The following LINGO2 variants were observed in gnomAD, a reference collection of about 807,000 sequenced individuals.
LINGO2 encodes leucine rich repeat and Ig domain containing 2, also known as leucine-rich repeat and immunoglobulin-like domain-containing nogo receptor-interacting protein 2.
A neutral mutation model predicts 30.6 loss-of-function variants in LINGO2; 14 were observed. The observed-to-expected ratio is 0.46, with a 90% CI of 0.30 to 0.72. The LOEUF (loss-of-function observed/expected upper bound fraction) is 0.72, where lower values mean the gene tolerates loss of function less well. Among genes scored for constraint, LINGO2 ranks in the 30% least tolerant of loss-of-function variants. The pLI, the probability that LINGO2 is intolerant of heterozygous loss-of-function variation, is 0.07. For missense variants in LINGO2, 729 were observed against 751.7 expected (o/e 0.97, Z 0.35); for synonymous variants, 317 against 288.5 (o/e 1.10, Z -1.00).
chr9:28,685,809 ATG>A, the LINGO2 span, among the ~76,000 whole-genome samples: 4 of 152,150 alleles, frequency 2.6e-5, no homozygotes, highest in Admixed American at 1.3e-4. Flanking sequence ...GTGTGCAGGT[ATG>A]TGAGTCTAGA....
the LINGO2 span, among the ~76,000 whole-genome samples, chr9:29,144,838 T>A: frequency 6.6e-6 from 1 of 152,150 alleles, no homozygotes; most frequent in East Asian, 1.9e-4. Flanking sequence ...AAATTAAAAA[T>A]TGGGCAGGCA....
At chr9:29,026,965 C>T in the LINGO2 span, among the ~76,000 whole-genome samples, 12 of 152,068 alleles carry the variant, frequency 7.9e-5, no homozygotes, top group Non-Finnish European at 8.8e-5. Flanking sequence ...ATAACAACTA[C>T]AAACAAACAA....
intron 5 of LINGO2, among the ~76,000 whole-genome samples, chr9:27,984,371 G>A (rs983656932): frequency 2.0e-5 from 3 of 151,866 alleles, no homozygotes; most frequent in African/African-American, 7.2e-5. Flanking sequence ...GCAGTGAGCT[G>A]TGTAGCTCAA....
At chr9:28,520,953 T>C (rs1162205382) in intron 1 of LINGO2, among the ~76,000 whole-genome samples, 1 of 152,190 alleles carries the variant, frequency 6.6e-6, no homozygotes, top group Admixed American at 6.5e-5. Flanking sequence ...CCTATATTCC[T>C]GTGCTTTTTG....
At chr9:28,380,710 A>C (rs1224973935) in intron 2 of LINGO2, among the ~76,000 whole-genome samples, 1 of 152,110 alleles carries the variant, frequency 6.6e-6, no homozygotes, top group East Asian at 1.9e-4. Flanking sequence ...TAAAAGAGAT[A>C]GTATAAACAA....
intron 1 of LINGO2, among the ~76,000 whole-genome samples, chr9:28,579,160 A>G (rs1359068927): frequency 6.6e-6 from 1 of 151,966 alleles, no homozygotes; most frequent in East Asian, 1.9e-4. Flanking sequence ...TCAAAGGCTG[A>G]GAATCCATTA....
chr9:29,072,923 G>A, the LINGO2 span, among the ~76,000 whole-genome samples: 1 of 149,608 alleles, frequency 6.7e-6, no homozygotes, highest in East Asian at 2.0e-4. Context: ...GCTCTCTAGC[G>A]CTCTCTCTCT....
At chr9:28,923,779 A>G in the LINGO2 span, among the ~76,000 whole-genome samples, 1 of 152,192 alleles carries the variant, frequency 6.6e-6, no homozygotes, top group Non-Finnish European at 1.5e-5. Context: ...GGTGGAACCA[A>G]AGATGCCCTC....
intron 4 of LINGO2, among the ~76,000 whole-genome samples, chr9:28,022,071 A>C (rs1393342744): frequency 1.3e-5 from 2 of 151,968 alleles, no homozygotes; most frequent in Non-Finnish European, 2.9e-5. Flanking sequence ...GATTTAGTTG[A>C]ATATTTATAT....
At chr9:28,856,119 C>T in the LINGO2 span, among the ~76,000 whole-genome samples, 4 of 151,890 alleles carry the variant, frequency 2.6e-5, no homozygotes, top group Non-Finnish European at 4.4e-5. Context: ...GTTGCTTCAA[C>T]GAATAGGAAG....
chr9:28,104,015 A>G (rs570860587), intron 4 of LINGO2, among the ~76,000 whole-genome samples: 2 of 152,030 alleles, frequency 1.3e-5, no homozygotes, highest in East Asian at 3.9e-4. Flanking sequence ...ACCCACTGTA[A>G]CCTCTTTTTT....
chr9:28,991,874 A>G, the LINGO2 span, among the ~76,000 whole-genome samples: 1 of 150,722 alleles, frequency 6.6e-6, no homozygotes, highest in African/African-American at 2.4e-5. Flanking sequence ...AGCACTAAAC[A>G]CGGAAAGGAA....
chr9:28,454,013 T>C (rs1395404297), intron 2 of LINGO2, among the ~76,000 whole-genome samples: 1 of 151,964 alleles, frequency 6.6e-6, no homozygotes, highest in Non-Finnish European at 1.5e-5. Context: ...AAGATTAAAA[T>C]GGACCAAGGA....
chr9:29,144,272 A>G, the LINGO2 span, among the ~76,000 whole-genome samples: 10 of 144,138 alleles, frequency 6.9e-5, no homozygotes, highest in Non-Finnish European at 1.4e-4. Flanking sequence ...ACATTTTAAA[A>G]TAGCTTTTTT....
At chr9:28,241,326 TG>T (rs1821788962) in intron 4 of LINGO2, among the ~76,000 whole-genome samples, 1 of 132,342 alleles carries the variant, frequency 7.6e-6, no homozygotes, top group Non-Finnish European at 1.6e-5. Flanking sequence ...GAATGTGGGG[TG>T]GGGCCAAGAT....
At chr9:29,181,763 C>T in the LINGO2 span, among the ~76,000 whole-genome samples, 4 of 151,364 alleles carry the variant, frequency 2.6e-5, no homozygotes, top group East Asian at 1.9e-4. Context: ...TGACGTACCA[C>T]ACAGCCCAGA....
chr9:28,877,999 A>G, the LINGO2 span, among the ~76,000 whole-genome samples: 1 of 152,068 alleles, frequency 6.6e-6, no homozygotes, highest in East Asian at 1.9e-4. Context: ...TAGGTATTTT[A>G]TTCTCTTTGA....
At chr9:28,238,177 T>C (rs1821648580) in intron 4 of LINGO2, among the ~76,000 whole-genome samples, 1 of 149,956 alleles carries the variant, frequency 6.7e-6, no homozygotes, top group Admixed American at 6.7e-5. Context: ...GAGATCCCAA[T>C]AGGGAATAGA....
At chr9:28,289,077 A>G (rs1823624144) in intron 4 of LINGO2, among the ~76,000 whole-genome samples, 1 of 152,188 alleles carries the variant, frequency 6.6e-6, no homozygotes, top group African/African-American at 2.4e-5. Context: ...TAGGGACAGT[A>G]CAAATTTTTA....
Sources: allele counts gnomAD v4.1 joint callset (sites outside exome capture counted in the v4.1 genomes callset), GRCh38; gene constraint gnomAD v4.1.1; transcripts MANE v1.5; gene names NCBI Gene and HGNC (gene_info 2026-07-23, HGNC 2026-07-21).